The following STAG1 variants were observed in gnomAD, a reference collection of about 807,000 sequenced individuals.
STAG1 encodes STAG1 cohesin complex component.
A neutral mutation model predicts 170.9 loss-of-function variants in STAG1; 26 were observed. The observed-to-expected ratio is 0.15, with a 90% CI of 0.11 to 0.21. The LOEUF (loss-of-function observed/expected upper bound fraction) is 0.21. STAG1 is among the 10% of genes least tolerant of loss of function. STAG1 has a pLI of 1.00. For missense variants in STAG1, 964 were observed against 1,509.5 expected (o/e 0.64, Z 5.99); for synonymous variants, 514 against 497.7 (o/e 1.03, Z -0.44).
chr3:136,632,856 C>G (rs757026525), intron 1 of STAG1, among the ~76,000 whole-genome samples: 1 of 152,080 alleles, frequency 6.6e-6, no homozygotes, highest in African/African-American at 2.4e-5. Context: ...AAAAATACTT[C>G]CGCAAAGAAC....
chr3:136,684,116 T>C (rs933324628), intron 1 of STAG1, among the ~76,000 whole-genome samples: 10 of 152,218 alleles, frequency 6.6e-5, no homozygotes, highest in Admixed American at 1.3e-4. Context: ...ACTTGATTTA[T>C]AGATTCAACA....
intron 14 of STAG1, among the ~76,000 whole-genome samples, chr3:136,450,897 C>T (rs1170762753): frequency 6.6e-6 from 1 of 152,006 alleles, no homozygotes; most frequent in Non-Finnish European, 1.5e-5. Flanking sequence ...TAGGTGTGCG[C>T]CACCACGCTC....
chr3:136,637,750 G>C (rs1276178365), intron 1 of STAG1, among the ~76,000 whole-genome samples: 2 of 152,132 alleles, frequency 1.3e-5, no homozygotes, highest in African/African-American at 4.8e-5. Flanking sequence ...AGAGTACCTG[G>C]AACTCCAGAA....
At chr3:136,543,240 A>C (rs1478981376) in intron 5 of STAG1, among the ~76,000 whole-genome samples, 1 of 152,210 alleles carries the variant, frequency 6.6e-6, no homozygotes, top group Non-Finnish European at 1.5e-5. Context: ...TGAATATATT[A>C]CCCAAACAAA....
At chr3:136,470,689 G>C (rs1244367677) in intron 12 of STAG1, among the ~76,000 whole-genome samples, 1 of 152,164 alleles carries the variant, frequency 6.6e-6, no homozygotes, top group East Asian at 1.9e-4. Flanking sequence ...GCATACATAT[G>C]TTTATTGCGG....
chr3:136,725,141 G>C (rs530782724), intron 1 of STAG1, among the ~76,000 whole-genome samples: 2 of 152,062 alleles, frequency 1.3e-5, no homozygotes, highest in South Asian at 4.1e-4. Context: ...ATTTTTTCCC[G>C]TATTTTAAAT....
intron 22 of STAG1, among the ~76,000 whole-genome samples, chr3:136,379,193 A>G (rs909243017): frequency 2.0e-5 from 3 of 152,192 alleles, no homozygotes. Flanking sequence ...TAAACATTCA[A>G]AATACACTGA....
chr3:136,663,175 G>A (rs1035784810), intron 1 of STAG1, among the ~76,000 whole-genome samples: 1 of 152,058 alleles, frequency 6.6e-6, no homozygotes, highest in Non-Finnish European at 1.5e-5. Context: ...AAAGCTGTTT[G>A]TTTTTTTAAA....
chr3:136,553,793 G>C (rs1936504301), intron 5 of STAG1, among the ~76,000 whole-genome samples: 1 of 152,108 alleles, frequency 6.6e-6, no homozygotes, highest in Non-Finnish European at 1.5e-5. Flanking sequence ...GTTCAAAGAA[G>C]TAGAGAAAAG....
intron 1 of STAG1, among the ~76,000 whole-genome samples, chr3:136,682,872 T>C (rs1297140623): frequency 2.6e-5 from 4 of 152,204 alleles, no homozygotes; most frequent in Non-Finnish European, 5.9e-5. Context: ...GCAACCCAAG[T>C]GTCTACTAAC....
chr3:136,684,409 C>G (rs1031969585), intron 1 of STAG1, among the ~76,000 whole-genome samples: 1 of 152,068 alleles, frequency 6.6e-6, no homozygotes, highest in Non-Finnish European at 1.5e-5. Context: ...GACAAAGAAG[C>G]AAAGGTAATA....
intron 5 of STAG1, among the ~76,000 whole-genome samples, chr3:136,548,703 T>G (rs1435712834): frequency 1.3e-5 from 2 of 152,184 alleles, no homozygotes; most frequent in African/African-American, 2.4e-5. Context: ...CTTTCATCAA[T>G]GTTTTGTTGT....
chr3:136,380,225 A>G (rs928779603), intron 22 of STAG1, among the ~76,000 whole-genome samples: 1 of 152,020 alleles, frequency 6.6e-6, no homozygotes, highest in East Asian at 1.9e-4. Context: ...ATTTTATTGC[A>G]TATTAACAAA....
At chr3:136,491,709 T>C (rs1458330499) in intron 9 of STAG1, among the ~76,000 whole-genome samples, 1 of 152,126 alleles carries the variant, frequency 6.6e-6, no homozygotes. Flanking sequence ...ATCCAATTTG[T>C]TGGCCGGGTG....
intron 5 of STAG1, among the ~76,000 whole-genome samples, chr3:136,551,251 GAGAGA>G (rs1936383531): frequency 6.8e-6 from 1 of 146,378 alleles, no homozygotes; most frequent in Non-Finnish European, 1.5e-5. Context: ...GAGAGAGAGA[GAGAGA>G]GAGAGGGAGA....
intron 20 of STAG1, among the ~76,000 whole-genome samples, chr3:136,418,404 T>A (rs1188913857): frequency 7.6e-6 from 1 of 131,458 alleles, no homozygotes; most frequent in Non-Finnish European, 1.6e-5. Flanking sequence ...AAAAAAAGGT[T>A]TTTTTCATTT....
chr3:136,545,523 A>C (rs1002114069), intron 5 of STAG1, among the ~76,000 whole-genome samples: 1 of 152,234 alleles, frequency 6.6e-6, no homozygotes, highest in Admixed American at 6.5e-5. Context: ...CACTAAACAA[A>C]TATCAGTATA....
At position 136,630,852 on chromosome 3, in the gene STAG1, G is replaced by A. The variant is rs931813894; in HGVS notation, c.29+18C>T. The A allele has an allele frequency of 3.9e-6, 6 of 1,526,112 alleles. No individual in the cohort carries two copies. The African/African-American group carries it at 5.6e-5, about 14-fold the overall frequency. The allele number at this position is 1,526,112 out of a possible 1,614,324, so 94.5% of individuals were successfully genotyped here. On this transcript the variant is annotated intron_variant, in intron 2 of 33. Coordinates refer to ENST00000383202, the MANE Select transcript of STAG1 (RefSeq NM_005862.3). Reference sequence around the variant, plus strand: ...TTTTCCTTAAAAAATATAAAAAAAAGAAAATTACAATACTTACTGTAACAC... The same window carrying A: ...TTTTCCTTAAAAAATATAAAAAAAAAAAAATTACAATACTTACTGTAACAC...
At chr3:136,378,538 C>CAT (rs1372127698) in intron 22 of STAG1, among the ~76,000 whole-genome samples, 1 of 152,146 alleles carries the variant, frequency 6.6e-6, no homozygotes, top group Non-Finnish European at 1.5e-5. Context: ...CATGGTGGAG[C>CAT]ATGCCTGTAG....
Sources: gnomAD v4.1 joint callset for allele counts (sites outside exome capture counted in the v4.1 genomes callset) on GRCh38, gnomAD v4.1.1 for gene constraint, MANE v1.5 for transcripts, NCBI Gene and HGNC (gene_info 2026-07-23, HGNC 2026-07-21) for gene names.